The following TESC variants were observed in gnomAD, a reference collection of about 807,000 sequenced individuals.
The protein encoded by TESC is tescalcin, also known as calcineurin B homologous protein 3.
In TESC, 19 loss-of-function variants were observed where a neutral mutation model predicts 31.0. The observed-to-expected ratio is 0.61, with a 90% confidence interval of 0.43 to 0.90. TESC has a LOEUF of 0.90. Among genes scored for constraint, TESC ranks in the 40% least tolerant of loss-of-function variants. The probability of loss-of-function intolerance (pLI) is 0.00; values close to 1 mark genes in which losing one functional copy is unlikely to be tolerated. For synonymous variants in TESC, 109 were observed against 114.8 expected (o/e 0.95, Z 0.32); for missense variants, 248 against 303.8 (o/e 0.82, Z 1.36).
intron 1 of TESC, among the ~76,000 whole-genome samples, chr12:117,080,244 G>C (rs1955127612): frequency 6.6e-6 from 1 of 152,142 alleles, no homozygotes; most frequent in Non-Finnish European, 1.5e-5. Flanking sequence ...GAGGTAGGTG[G>C]ATCACTTGAG....
chr12:117,051,657 C>T (rs1954649277), intron 3 of TESC, among the ~76,000 whole-genome samples: 2 of 152,166 alleles, frequency 1.3e-5, no homozygotes. Context: ...GTGGTTTAGG[C>T]TGCAGCAAGA....
rs145111359 is a variant in TESC at position 117,065,288 on chromosome 12, G to A, written c.129-8402C>T. On this transcript the variant is annotated intron_variant, in intron 2 of 7. Coordinates refer to ENST00000335209, the MANE Select transcript of TESC (RefSeq NM_017899.4). ...GACCATGGCAGCTGGATGAGGGCAG[G>A]GGCTGGGGGAGCAGAGGAAGAAGGG... Among the ~76,000 whole-genome samples the A allele has an allele frequency of 1.1e-3, 175 of 152,306 alleles. 1 individual carries two copies. Among genetic ancestry groups the A allele is most frequent in the Non-Finnish European group, 1.9e-3 (127 of 68,028 alleles).
intron 2 of TESC, among the ~76,000 whole-genome samples, chr12:117,064,192 C>T (rs538074530): frequency 6.6e-6 from 1 of 152,322 alleles, no homozygotes; most frequent in African/African-American, 2.4e-5. Context: ...GCTGGCATTA[C>T]AGAACCTGCA....
Position 117,099,151 on chromosome 12 carries a change from C to G in TESC, c.58+74G>C, listed in dbSNP as rs1483997378. On this transcript the variant is annotated intron_variant, in intron 1 of 7. Transcript: ENST00000335209. Reference sequence around the variant, plus strand: ...GGCCCAAGGTCACACAGCGCGGCGGCGGGCCGGGGTCCCCAACAGTGGCCG... The same window carrying G: ...GGCCCAAGGTCACACAGCGCGGCGGGGGGCCGGGGTCCCCAACAGTGGCCG... The G allele has an allele frequency of 4.3e-6, 6 of 1,410,710 alleles. No homozygotes were observed. The African/African-American group carries it at 6.0e-5, about 14-fold the overall frequency. The allele number at this position is 1,410,710 out of a possible 1,614,324, so 87.4% of individuals were successfully genotyped here.
chr12:117,048,576 TG>T, intron 4 of TESC: 1 of 402,156 alleles, frequency 2.5e-6, no homozygotes, highest in Non-Finnish European at 5.0e-6. Flanking sequence ...GCACAGCCCA[TG>T]GAGGAGGGAG....
intron 6 of TESC, among the ~76,000 whole-genome samples, chr12:117,042,389 C>G (rs922549508): frequency 2.6e-5 from 4 of 152,208 alleles, no homozygotes; most frequent in Admixed American, 1.3e-4. Context: ...GCAGCTGGAC[C>G]ACCAAGATGC....
intron 7 of TESC, among the ~76,000 whole-genome samples, chr12:117,039,647 C>T (rs1162196063): frequency 1.3e-5 from 2 of 152,194 alleles, no homozygotes; most frequent in Non-Finnish European, 2.9e-5. Flanking sequence ...GTTTTGTAAA[C>T]TGTTAGGGGC....
At chr12:117,050,091 T>C (rs1295540433) in intron 3 of TESC, among the ~76,000 whole-genome samples, 2 of 151,562 alleles carry the variant, frequency 1.3e-5, no homozygotes, top group Non-Finnish European at 2.9e-5. Flanking sequence ...ATGACAGCCA[T>C]GTGCCTGGCC....
intron 2 of TESC, among the ~76,000 whole-genome samples, chr12:117,063,068 A>G (rs1565965818): frequency 6.6e-6 from 1 of 152,202 alleles, no homozygotes; most frequent in Non-Finnish European, 1.5e-5. Context: ...GGCTCGCGTG[A>G]CATCAAGCTG....
chr12:117,045,991 T>C (rs1285277043), intron 6 of TESC, among the ~76,000 whole-genome samples: 1 of 152,162 alleles, frequency 6.6e-6, no homozygotes, highest in Non-Finnish European at 1.5e-5. Context: ...AGTCTCAGTT[T>C]TCCCACCAGT....
chr12:117,056,206 C>A (rs927933037), intron 3 of TESC, among the ~76,000 whole-genome samples: 1 of 151,726 alleles, frequency 6.6e-6, no homozygotes. Flanking sequence ...ACAGGTATGA[C>A]CCACTGTGCC....
rs186951828 is a variant in TESC at position 117,099,046 on chromosome 12, C to A, written c.58+179G>T. Among the ~76,000 whole-genome samples, 179 of 152,294 alleles carry A rather than the reference C, an allele frequency of 1.2e-3. 1 individual carries two copies. Among genetic ancestry groups the A allele is most frequent in the African/African-American group, 4.0e-3 (166 of 41,576 alleles). Reference sequence around the variant, plus strand: ...CGGCACTGAGCATCGCCGCGGAGCTCCTCGCCGCAGCCCGCGAGGTGGCCA... The same window carrying A: ...CGGCACTGAGCATCGCCGCGGAGCTACTCGCCGCAGCCCGCGAGGTGGCCA... On this transcript the variant is annotated intron_variant, in intron 1 of 7. Coordinates refer to ENST00000335209, the MANE Select transcript of TESC (RefSeq NM_017899.4).
At chr12:117,080,951 T>A (rs1367692440) in intron 1 of TESC, among the ~76,000 whole-genome samples, 1 of 152,240 alleles carries the variant, frequency 6.6e-6, no homozygotes, top group Non-Finnish European at 1.5e-5. Context: ...TCCAGGGCCC[T>A]GAGGTCACAG....
At chr12:117,054,133 C>T (rs1954687439) in intron 3 of TESC, 2 of 152,276 alleles carry the variant, frequency 1.3e-5, no homozygotes, top group Admixed American at 6.6e-5. Flanking sequence ...CCAACCCTTC[C>T]TCATCTATAA....
At chr12:117,039,968 T>G (rs1230534134) in intron 7 of TESC, among the ~76,000 whole-genome samples, 1 of 152,140 alleles carries the variant, frequency 6.6e-6, no homozygotes. Context: ...CCACAGATGG[T>G]AGGATGGGGG....
intron 3 of TESC, among the ~76,000 whole-genome samples, chr12:117,049,402 C>G (rs983910842): frequency 9.2e-5 from 14 of 152,216 alleles, no homozygotes; most frequent in African/African-American, 3.4e-4. Flanking sequence ...GAGAGAGAGA[C>G]AACTGCGTGA....
At chr12:117,044,119 C>T (rs1442659950) in intron 6 of TESC, among the ~76,000 whole-genome samples, 1 of 152,054 alleles carries the variant, frequency 6.6e-6, no homozygotes, top group Non-Finnish European at 1.5e-5. Flanking sequence ...TAAAAATTAG[C>T]TGGGTGTGGT....
chr12:117,076,736 G>A (rs954210218), intron 1 of TESC, among the ~76,000 whole-genome samples: 7 of 152,088 alleles, frequency 4.6e-5, no homozygotes, highest in South Asian at 2.1e-4. Flanking sequence ...GAACCATCAC[G>A]CCCGGCCGTT....
At position 117,075,416 on chromosome 12, in the gene TESC, T is replaced by C; in HGVS notation, c.59-76A>G. On this transcript the variant is annotated intron_variant, in intron 1 of 7. Transcript: ENST00000335209. ...ACTGTCAGAGGGAGGCTGCAGATATTCTTTTGCCCCATCCCCACTGGCTGC... is the reference window on the plus strand; with the variant it reads ...ACTGTCAGAGGGAGGCTGCAGATATCCTTTTGCCCCATCCCCACTGGCTGC... The C allele has an allele frequency of 1.3e-6, 2 of 1,530,284 alleles. 1 individual carries two copies. Among genetic ancestry groups the C allele is most frequent in the Middle Eastern group, 3.8e-4 (2 of 5,250 alleles). The allele number at this position is 1,530,284 out of a possible 1,614,324, so 94.8% of individuals were successfully genotyped here.
Sources: allele counts gnomAD v4.1 joint callset (sites outside exome capture counted in the v4.1 genomes callset), GRCh38; gene constraint gnomAD v4.1.1; transcripts MANE v1.5; gene names NCBI Gene and HGNC (gene_info 2026-07-23, HGNC 2026-07-21).